ELF2: variants seen among roughly 807,000 people sequenced by gnomAD.
ELF2 encodes ETS-related transcription factor Elf-2.
ELF2 carries 11 observed loss-of-function variants against 54.8 expected under a neutral mutation model. The observed-to-expected ratio is 0.20, with a 90% CI of 0.13 to 0.33. The LOEUF is 0.33. Among genes scored for constraint, ELF2 ranks in the 10% least tolerant of loss-of-function variants. The probability of loss-of-function intolerance (pLI) is 1.00; values close to 1 mark genes in which losing one functional copy is unlikely to be tolerated. For synonymous variants in ELF2, 203 were observed against 245.1 expected, an observed-to-expected ratio of 0.83 and a Z score of 1.61; for missense variants, 513 against 703.0, an observed-to-expected ratio of 0.73 and a Z score of 3.06.
chr4:139,141,425 C>G (rs545241757), intron 1 of ELF2, among the ~76,000 whole-genome samples: 51 of 152,192 alleles, frequency 3.4e-4, no homozygotes, highest in Non-Finnish European at 5.4e-4. Context: ...CCTACAGGTC[C>G]AAGCTCTGGT....
chr4:139,146,633 G>A lies in ELF2; in HGVS notation c.-251-7136C>T, dbSNP rs546619802. ...ATTATTGGACTTCAAATTATACCAG[G>A]CTATAGTTAACAAAACAGCATGGTA... On this transcript the variant is annotated intron_variant, in intron 1 of 9. Transcript: ENST00000686138. Among the ~76,000 whole-genome samples the A allele has an allele frequency of 5.9e-5, 9 of 152,160 alleles. No individual in the cohort carries two copies. In the South Asian group the frequency reaches 1.2e-3, roughly 21 times the overall value.
intron 4 of ELF2, among the ~76,000 whole-genome samples, chr4:139,108,950 A>C (rs1734694611): frequency 6.6e-6 from 1 of 152,160 alleles, no homozygotes; most frequent in Non-Finnish European, 1.5e-5. Flanking sequence ...ACTCTGATGC[A>C]ATGATCGAAT....
At chr4:139,122,204 A>G (rs985250687) in intron 4 of ELF2, among the ~76,000 whole-genome samples, 4 of 152,332 alleles carry the variant, frequency 2.6e-5, no homozygotes, top group Non-Finnish European at 5.9e-5. Flanking sequence ...TTTCCTAGAC[A>G]TACACAGGGA....
At chr4:139,166,554 A>G (rs1049003978) in intron 1 of ELF2, among the ~76,000 whole-genome samples, 5 of 152,146 alleles carry the variant, frequency 3.3e-5, no homozygotes, top group African/African-American at 1.2e-4. Context: ...AAAAACTGCT[A>G]ATTAAGATTA....
chr4:139,138,923 C>A (rs1738444063), intron 2 of ELF2, among the ~76,000 whole-genome samples: 1 of 151,952 alleles, frequency 6.6e-6, no homozygotes, highest in Non-Finnish European at 1.5e-5. Context: ...ACATTTTTTC[C>A]CCTTCCTATA....
intron 4 of ELF2, chr4:139,116,817 T>C (rs1735766086): frequency 1.4e-6 from 1 of 709,420 alleles, no homozygotes. Context: ...TCTGATGGTA[T>C]AACAAATACA....
chr4:139,084,164 G>A, intron 4 of ELF2: 4 of 1,613,558 alleles, frequency 2.5e-6, no homozygotes, highest in South Asian at 1.1e-5. Flanking sequence ...GCTGGTTCGT[G>A]GGTCCCTCAT....
At chr4:139,093,496 A>G (rs1046033209) in intron 4 of ELF2, among the ~76,000 whole-genome samples, 2 of 152,218 alleles carry the variant, frequency 1.3e-5, no homozygotes, top group Non-Finnish European at 2.9e-5. Flanking sequence ...AAGCAGATAA[A>G]GACAGGAAAG....
Position 139,071,919 on chromosome 4 carries a change from G to T in ELF2, c.473C>A (p.Thr158Asn). The change falls in exon 6 of 10, where the codon ACC becomes AAC. Residue 158 changes from threonine (T) to asparagine (N), a missense_variant. Transcript: ENST00000686138. ...ATCTGGTGATGTTGGAATAGGAGAG[G>T]TATCCATGGGTTCAGACTCTTCAGT... Reference protein sequence around the residue: ...VSTEESEPMDTSPIPTSPDSH... With the variant: ...VSTEESEPMDNSPIPTSPDSH... 1 of 1,612,814 alleles carries T rather than the reference G, an allele frequency of 6.2e-7. No individual in the cohort carries two copies. Among genetic ancestry groups the T allele is most frequent in the Non-Finnish European group, 8.5e-7 (1 of 1,179,780 alleles).
At chr4:139,161,061 T>G (rs908639130) in intron 1 of ELF2, among the ~76,000 whole-genome samples, 1 of 152,238 alleles carries the variant, frequency 6.6e-6, no homozygotes, top group Non-Finnish European at 1.5e-5. Context: ...TGTGCCTAGA[T>G]ATGTTTAGGA....
At chr4:139,098,335 T>C (rs1398028802) in intron 4 of ELF2, among the ~76,000 whole-genome samples, 2 of 152,216 alleles carry the variant, frequency 1.3e-5, no homozygotes, top group African/African-American at 2.4e-5. Context: ...TTTTGTTTTC[T>C]AGATTGTTCC....
chr4:139,169,857 TAA>T (rs3041235), intron 1 of ELF2, among the ~76,000 whole-genome samples: 371 of 129,028 alleles, frequency 2.9e-3, no homozygotes, highest in Non-Finnish European at 3.8e-3. Flanking sequence ...ACTCTTGTCT[TAA>T]AAAAAAAAAA....
At position 139,059,089 on chromosome 4, in the gene ELF2, G is replaced by A; in HGVS notation, c.1676C>T (p.Ala559Val). The A allele has an allele frequency of 6.2e-7, 1 of 1,613,954 alleles. No individual in the cohort carries two copies. The highest frequency in any genetic ancestry group is 2.2e-5 in the East Asian group (1 of 44,884). The change falls in exon 10 of 10, where the codon GCA becomes GTA. Residue 559 changes from alanine to valine, a missense_variant. Ala to Val is a moderately conservative substitution (Grantham distance 64). This residue lies in a region of ELF2 where 291 missense variants were observed against 366.1 expected (regional missense o/e 0.79). Transcript: ENST00000686138. ...KTLQLVEEKP[A>V]DGNKTVTHVV... ...GTGGGTCACTGTCTTATTTCCATCT[G>A]CTGGTTTTTCTTCTACTAGCTGCAA...
intron 1 of ELF2, among the ~76,000 whole-genome samples, chr4:139,153,727 G>A (rs1740249308): frequency 6.6e-6 from 1 of 152,102 alleles, no homozygotes; most frequent in Non-Finnish European, 1.5e-5. Context: ...TATCTTCACA[G>A]GTACAGGACA....
chr4:139,106,816 T>C (rs1734464326), intron 4 of ELF2, among the ~76,000 whole-genome samples: 1 of 149,558 alleles, frequency 6.7e-6, no homozygotes, highest in African/African-American at 2.5e-5. Context: ...TGATCTCGGC[T>C]CACTGCAACC....
rs541684394 is a variant in ELF2, at chr4:139,120,414, A to G, written c.238+4750T>C. On this transcript the variant is annotated intron_variant, in intron 4 of 9. Transcript: ENST00000686138. The stretch of plus-strand genomic sequence containing the variant: ...CATCTTTCCCCCTACAATTAATCCT[A>G]TATCCAACTGAAATACTAATTGCAT... Among the ~76,000 whole-genome samples, 3 of 152,120 alleles carry G rather than the reference A, an allele frequency of 2.0e-5. No homozygotes were observed. The East Asian group carries it at 5.8e-4, about 29-fold the overall frequency.
intron 4 of ELF2, chr4:139,116,643 A>G: frequency 2.0e-6 from 2 of 984,008 alleles, no homozygotes; most frequent in Non-Finnish European, 2.4e-6. Context: ...TTAAAAACCA[A>G]CCTACCAGCA....
intron 4 of ELF2, among the ~76,000 whole-genome samples, chr4:139,099,593 G>C (rs1278236587): frequency 1.3e-5 from 2 of 152,138 alleles, no homozygotes; most frequent in African/African-American, 4.8e-5. Flanking sequence ...AACCACAGCT[G>C]GACCTTAGAC....
intron 7 of ELF2, among the ~76,000 whole-genome samples, chr4:139,064,931 C>T (rs998903424): frequency 4.6e-5 from 7 of 152,110 alleles, no homozygotes; most frequent in Non-Finnish European, 8.8e-5. Flanking sequence ...TTTAACTTTA[C>T]AAAGTTACAT....
Sources: gnomAD v4.1 joint callset for allele counts (sites outside exome capture counted in the v4.1 genomes callset) on GRCh38, gnomAD v4.1.1 for gene constraint, gnomAD v4.1.1 regional missense constraint, MANE v1.5 for transcripts, NCBI Gene and HGNC (gene_info 2026-07-23, HGNC 2026-07-21) for gene names.